Variants in NRG1 observed in about 807,000 individuals in gnomAD.
The protein encoded by NRG1 is pro-neuregulin-1, membrane-bound isoform.
A neutral mutation model predicts 63.8 loss-of-function variants in NRG1; 18 were observed. That is an observed-to-expected ratio of 0.28 (90% CI 0.19 to 0.42). The LOEUF is 0.42. Among genes scored for constraint, NRG1 ranks in the 10% least tolerant of loss-of-function variants. The probability of loss-of-function intolerance (pLI) is 1.00; values close to 1 mark genes in which losing one functional copy is unlikely to be tolerated. For synonymous variants in NRG1, 302 were observed against 301.3 expected (o/e 1.00, Z -0.02); for missense variants, 762 against 814.7 (o/e 0.94, Z 0.79).
At chr8:31,748,331 G>A (rs1816103944) in intron 1 of NRG1, among the ~76,000 whole-genome samples, 1 of 151,856 alleles carries the variant, frequency 6.6e-6, no homozygotes, top group African/African-American at 2.4e-5. Flanking sequence ...AATCTTATGG[G>A]TACTGCTAAT....
At chr8:31,725,366 A>C (rs564845217) in intron 1 of NRG1, among the ~76,000 whole-genome samples, 29 of 152,244 alleles carry the variant, frequency 1.9e-4, no homozygotes, top group African/African-American at 6.7e-4. Context: ...CGGAGGAATA[A>C]TTTTCTGTTG....
intron 1 of NRG1, among the ~76,000 whole-genome samples, chr8:32,567,715 C>G (rs73587138): frequency 0.02 from 3,092 of 152,324 alleles, 111 homozygotes; most frequent in African/African-American, 0.071. Context: ...CCTAGCAGTG[C>G]CTGCTTCAAG....
rs993769433 is a variant in NRG1, at chr8:31,884,127, G to A, written c.37+244696G>A. On this transcript the variant is annotated intron_variant, in intron 1 of 10. Transcript: ENST00000519301. ...ATTTTTACATTCAAAAAGTAATGAC[G>A]TGTTATCTTGGTTTTTGTTTCTGGG... Among the ~76,000 whole-genome samples, 9 of 151,988 alleles carry A rather than the reference G, an allele frequency of 5.9e-5. No individual in the cohort carries two copies. In the East Asian group the frequency reaches 7.7e-4, roughly 13 times the overall value.
intron 1 of NRG1, among the ~76,000 whole-genome samples, chr8:31,643,952 G>A (rs1052883693): frequency 3.3e-5 from 5 of 152,132 alleles, no homozygotes; most frequent in African/African-American, 4.8e-5. Context: ...TCATATGATG[G>A]TAGAATGAAG....
chr8:31,684,975 C>T (rs1808734099), intron 1 of NRG1, among the ~76,000 whole-genome samples: 2 of 152,208 alleles, frequency 1.3e-5, no homozygotes, highest in Admixed American at 6.5e-5. Context: ...AGTAATTTCT[C>T]AAATTTTGAG....
chr8:31,654,906 A>G (rs949546017), intron 1 of NRG1, among the ~76,000 whole-genome samples: 1 of 152,184 alleles, frequency 6.6e-6, no homozygotes, highest in Non-Finnish European at 1.5e-5. Flanking sequence ...GCATCACTGC[A>G]CTCTAGCCTG....
At chr8:32,740,976 G>A (rs1826186724) in intron 6 of NRG1, among the ~76,000 whole-genome samples, 1 of 152,088 alleles carries the variant, frequency 6.6e-6, no homozygotes. Flanking sequence ...TTATGATGAT[G>A]GATGTTGAGG....
chr8:31,823,332 A>G (rs1398822454), intron 1 of NRG1, among the ~76,000 whole-genome samples: 5 of 151,782 alleles, frequency 3.3e-5, no homozygotes, highest in Non-Finnish European at 7.4e-5. Flanking sequence ...AAACTTAAGC[A>G]CCCATAAGAA....
intron 1 of NRG1, among the ~76,000 whole-genome samples, chr8:31,758,552 C>A (rs1245203147): frequency 6.6e-6 from 1 of 152,112 alleles, no homozygotes; most frequent in African/African-American, 2.4e-5. Context: ...AGGATGAGTT[C>A]ATGTCCTTTT....
At chr8:32,102,740 C>T (rs969068542) in intron 1 of NRG1, among the ~76,000 whole-genome samples, 4 of 152,112 alleles carry the variant, frequency 2.6e-5, no homozygotes, top group African/African-American at 7.2e-5. Flanking sequence ...GCCCTGCCAT[C>T]GAATCCAGCT....
At chr8:32,164,662 T>C (rs1839213752) in intron 1 of NRG1, among the ~76,000 whole-genome samples, 1 of 152,186 alleles carries the variant, frequency 6.6e-6, no homozygotes, top group South Asian at 2.1e-4. Context: ...AAAAGAGGTA[T>C]TTTAGGAAGG....
chr8:32,359,143 C>T (rs1806875143), intron 1 of NRG1, among the ~76,000 whole-genome samples: 1 of 152,054 alleles, frequency 6.6e-6, no homozygotes, highest in Non-Finnish European at 1.5e-5. Flanking sequence ...CTAACATTCT[C>T]AGTTTCGTTA....
intron 1 of NRG1, among the ~76,000 whole-genome samples, chr8:32,217,805 A>G (rs1056463574): frequency 1.3e-5 from 2 of 152,192 alleles, no homozygotes; most frequent in African/African-American, 2.4e-5. Context: ...GGTATACATC[A>G]TAGAACAAAA....
At chr8:32,647,273 C>G in intron 5 of NRG1, 1 of 985,390 alleles carries the variant, frequency 1.0e-6, no homozygotes, top group Non-Finnish European at 1.2e-6. Flanking sequence ...CGCCGCTGGT[C>G]CTCCTTCTGC....
chr8:32,490,779 T>C (rs1826464458), intron 1 of NRG1, among the ~76,000 whole-genome samples: 1 of 152,170 alleles, frequency 6.6e-6, no homozygotes. Flanking sequence ...GTTTTATTTT[T>C]CACACCTAAA....
At position 32,477,662 on chromosome 8, in the gene NRG1, G is replaced by A. The variant is rs533147509; in HGVS notation, c.38-118166G>A. On this transcript the variant is annotated intron_variant, in intron 1 of 10. Coordinates refer to the NRG1 transcript ENST00000519301. ...AAATTTTAACTTTTAATGACTTTTG[G>A]AAGTAGGTTAGATGGGGTGGTGGGA... Among the ~76,000 whole-genome samples, 4 of 152,218 alleles carry A rather than the reference G, an allele frequency of 2.6e-5. No homozygotes were observed. The South Asian group carries it at 8.3e-4, about 32-fold the overall frequency.
At chr8:31,864,125 A>T (rs552500745) in intron 1 of NRG1, among the ~76,000 whole-genome samples, 1 of 152,294 alleles carries the variant, frequency 6.6e-6, no homozygotes, top group South Asian at 2.1e-4. Flanking sequence ...CTCAACTTAC[A>T]GTTGAGGAAG....
chr8:32,295,496 G>A (rs1854732860), intron 1 of NRG1, among the ~76,000 whole-genome samples: 1 of 152,116 alleles, frequency 6.6e-6, no homozygotes, highest in Non-Finnish European at 1.5e-5. Context: ...CTATTTAACT[G>A]AAAAGACCTA....
At chr8:32,082,683 T>C (rs975147682) in intron 1 of NRG1, among the ~76,000 whole-genome samples, 2 of 152,162 alleles carry the variant, frequency 1.3e-5, no homozygotes, top group Admixed American at 1.3e-4. Context: ...CCTGACCTCA[T>C]AGACATGCAT....
Sources: allele counts gnomAD v4.1 joint callset (sites outside exome capture counted in the v4.1 genomes callset), GRCh38; gene constraint gnomAD v4.1.1; transcripts MANE v1.5; gene names NCBI Gene and HGNC (gene_info 2026-07-23, HGNC 2026-07-21).